Variants in PEAK1 observed in about 807,000 individuals in gnomAD.
The protein encoded by PEAK1 is inactive tyrosine-protein kinase PEAK1.
In PEAK1, 54 loss-of-function variants were observed where a neutral mutation model predicts 124.7. That is an observed-to-expected ratio of 0.43 (90% CI 0.35 to 0.54). The LOEUF (loss-of-function observed/expected upper bound fraction) is 0.54, where lower values mean the gene tolerates loss of function less well. PEAK1 is among the 20% of genes least tolerant of loss of function. The probability of loss-of-function intolerance (pLI) is 0.01; values close to 1 mark genes in which losing one functional copy is unlikely to be tolerated. For missense variants in PEAK1, 2,046 were observed against 2,134.5 expected (o/e 0.96, Z 0.82); for synonymous variants, 719 against 760.0 (o/e 0.95, Z 0.89).
chr15:77,121,790 T>C (rs1011355123), intron 9 of PEAK1, among the ~76,000 whole-genome samples: 1 of 152,216 alleles, frequency 6.6e-6, no homozygotes, highest in African/African-American at 2.4e-5. Context: ...ATGCATTCTA[T>C]AGTGCCTCAG....
chr15:77,127,137 TGTTCTCTCTCAC>T (rs2052445181), intron 9 of PEAK1, among the ~76,000 whole-genome samples: 1 of 152,210 alleles, frequency 6.6e-6, no homozygotes, highest in African/African-American at 2.4e-5. Context: ...ATGCTTCTTG[TGTTCTCTCTCAC>T]GCTCTCTCTC....
At position 77,378,414 on chromosome 15, in the gene PEAK1, A is replaced by G. The variant is rs547568994; in HGVS notation, c.-665-13189T>C. ...ATCGTCAAAAATTCGTGCTTCTTAC[A>G]GAGTACGGAATTCAATAGTCTAACT... On this transcript the variant is annotated intron_variant, in intron 1 of 9. Transcript: ENST00000682557. Among the ~76,000 whole-genome samples the G allele has an allele frequency of 2.4e-4, 37 of 152,218 alleles. 1 individual carries two copies. The highest frequency in any genetic ancestry group is 1.9e-3 in the Admixed American group (29 of 15,290).
intron 1 of PEAK1, chr15:77,370,799 A>G: frequency 1.1e-6 from 1 of 911,252 alleles, no homozygotes; most frequent in Non-Finnish European, 1.3e-6. Flanking sequence ...TGGGAGGCTG[A>G]AGCAGGCGGA....
intron 1 of PEAK1, among the ~76,000 whole-genome samples, chr15:77,384,792 A>G (rs1198635209): frequency 2.0e-5 from 3 of 152,208 alleles, no homozygotes; most frequent in African/African-American, 7.2e-5. Flanking sequence ...CTGCCTAAAT[A>G]AAGTTTTATT....
chr15:77,180,864 C>G lies in PEAK1; in HGVS notation c.1063G>C (p.Glu355Gln). The change falls in exon 7 of 10, where the codon GAG (glutamate) becomes CAG (glutamine). Residue 355 changes from glutamate to glutamine, a missense_variant. By Grantham distance (29) the Glu-to-Gln change is conservative (BLOSUM62 2). Coordinates refer to ENST00000682557, the MANE Select transcript of PEAK1 (RefSeq NM_001385026.1). ...TTCTGGGATAAACTACTGGCTGTCTCAGAACGTGATTCTTCTGTTAAAGAA... is the reference window on the plus strand; with the variant it reads ...TTCTGGGATAAACTACTGGCTGTCTGAGAACGTGATTCTTCTGTTAAAGAA... ...DSSLTEESRS[E>Q]TASSLSQKIC... 1 of 1,613,980 alleles carries G rather than the reference C, an allele frequency of 6.2e-7. No individual in the cohort carries two copies. The highest frequency in any genetic ancestry group is 8.5e-7 in the Non-Finnish European group (1 of 1,179,972).
At chr15:77,339,552 A>G (rs1443563623) in intron 2 of PEAK1, among the ~76,000 whole-genome samples, 1 of 152,260 alleles carries the variant, frequency 6.6e-6, no homozygotes, top group Non-Finnish European at 1.5e-5. Context: ...ACATAAAACT[A>G]TAAACATTTT....
At chr15:77,355,893 AG>A (rs1417058132) in intron 2 of PEAK1, 6 of 985,334 alleles carry the variant, frequency 6.1e-6, no homozygotes, top group Admixed American at 6.1e-5. Context: ...GAGAGAACTC[AG>A]AAAAACCCCT....
At chr15:77,269,624 A>G (rs1414198826) in intron 5 of PEAK1, among the ~76,000 whole-genome samples, 1 of 152,214 alleles carries the variant, frequency 6.6e-6, no homozygotes, top group Non-Finnish European at 1.5e-5. Context: ...ACAAAAAGTC[A>G]ACAAAGAAAC....
intron 6 of PEAK1, among the ~76,000 whole-genome samples, chr15:77,232,813 T>C (rs755358221): frequency 1.3e-5 from 2 of 152,198 alleles, no homozygotes; most frequent in Non-Finnish European, 2.9e-5. Flanking sequence ...TGGTGTGATC[T>C]CTATTCACTG....
intron 9 of PEAK1, among the ~76,000 whole-genome samples, chr15:77,127,868 T>C (rs1305241188): frequency 6.6e-6 from 1 of 151,930 alleles, no homozygotes; most frequent in Non-Finnish European, 1.5e-5. Context: ...TCATCTGAGG[T>C]CAGGAGATTA....
At chr15:77,311,462 G>A (rs1303137757) in intron 2 of PEAK1, among the ~76,000 whole-genome samples, 2 of 152,026 alleles carry the variant, frequency 1.3e-5, no homozygotes, top group East Asian at 1.9e-4. Context: ...GATCACTTGA[G>A]GTCAGGAGTT....
At position 77,371,479 on chromosome 15, in the gene PEAK1, T is replaced by C. The variant is rs12910707; in HGVS notation, c.-665-6254A>G. The C allele has an allele frequency of 5.5e-5, 54 of 981,432 alleles. 2 individuals are homozygous for C. Among genetic ancestry groups the C allele is most frequent in the Non-Finnish European group, 6.2e-5 (51 of 826,644 alleles). 60.8% of individuals were successfully genotyped at this position (981,432 alleles called of 1,614,324 possible). On this transcript the variant is annotated intron_variant, in intron 1 of 9. Coordinates refer to ENST00000682557, the MANE Select transcript of PEAK1 (RefSeq NM_001385026.1). ...TATTCACATGTAACTCAGATCTTTA[T>C]TGTAGCCTTTGTTGTAACACTACAC...
intron 9 of PEAK1, among the ~76,000 whole-genome samples, chr15:77,123,520 C>T (rs748612934): frequency 1.9e-4 from 29 of 152,124 alleles, no homozygotes; most frequent in Non-Finnish European, 4.0e-4. Context: ...AAGATGGTGT[C>T]CCCATGCAGA....
intron 7 of PEAK1, among the ~76,000 whole-genome samples, chr15:77,170,472 T>C (rs1411879650): frequency 6.6e-6 from 1 of 152,096 alleles, no homozygotes; most frequent in East Asian, 1.9e-4. Flanking sequence ...GATTAAAAGG[T>C]AGGCAGATGC....
chr15:77,192,891 C>CA (rs761769618), intron 6 of PEAK1, among the ~76,000 whole-genome samples: 5 of 151,614 alleles, frequency 3.3e-5, no homozygotes, highest in Admixed American at 6.6e-5. Context: ...TAAAAATATG[C>CA]AAAAAGCAAT....
intron 2 of PEAK1, among the ~76,000 whole-genome samples, chr15:77,316,113 T>C (rs1486586925): frequency 1.3e-5 from 2 of 152,164 alleles, no homozygotes; most frequent in Non-Finnish European, 2.9e-5. Flanking sequence ...TGTTTAAAAA[T>C]TCAATAGCTA....
chr15:77,141,866 T>C (rs1259220543), intron 8 of PEAK1, among the ~76,000 whole-genome samples: 1 of 152,046 alleles, frequency 6.6e-6, no homozygotes, highest in Non-Finnish European at 1.5e-5. Flanking sequence ...AATTTAAATA[T>C]AAGAGCTAAA....
rs760394101 is a variant in PEAK1 at position 77,332,322 on chromosome 15, G to C, written c.-603+32841C>G. On this transcript the variant is annotated intron_variant, in intron 2 of 9. Transcript: ENST00000682557. ...TTGTTTGTTGAAAAATTTTTTGGCC[G>C]GGTGCGGTGGCTCACACCTGTAATC... 4 of 980,920 alleles carry C rather than the reference G, an allele frequency of 4.1e-6. No homozygotes were observed. In the African/African-American group the frequency reaches 7.0e-5, roughly 17 times the overall value. The allele number at this position is 980,920 out of a possible 1,614,324, so 60.8% of individuals were successfully genotyped here.
chr15:77,191,350 C>T (rs1453732172), intron 6 of PEAK1, among the ~76,000 whole-genome samples: 2 of 152,180 alleles, frequency 1.3e-5, no homozygotes, highest in South Asian at 2.1e-4. Flanking sequence ...TAAATTTCTA[C>T]ATCCAGCGGA....
Sources: allele counts gnomAD v4.1 joint callset (sites outside exome capture counted in the v4.1 genomes callset), GRCh38; gene constraint gnomAD v4.1.1; transcripts MANE v1.5; gene names NCBI Gene and HGNC (gene_info 2026-07-23, HGNC 2026-07-21).